Variants in ADCY9 observed in about 807,000 individuals in gnomAD.
ADCY9 encodes the protein adenylate cyclase 9, also known as adenylate cyclase type 9.
A neutral mutation model predicts 101.5 loss-of-function variants in ADCY9; 50 were observed. That is an observed-to-expected ratio of 0.49 (90% CI 0.39 to 0.62). The LOEUF (loss-of-function observed/expected upper bound fraction) is 0.62. ADCY9 is among the 20% of genes least tolerant of loss of function. The pLI, the probability that ADCY9 is intolerant of heterozygous loss-of-function variation, is 0.00. For synonymous variants in ADCY9, 905 were observed against 769.3 expected (o/e 1.18, Z -2.92); for missense variants, 1,662 against 1,800.4 (o/e 0.92, Z 1.39).
intron 7 of ADCY9, among the ~76,000 whole-genome samples, chr16:3,979,730 T>C (rs1365891371): frequency 6.6e-6 from 1 of 152,190 alleles, no homozygotes; most frequent in Admixed American, 6.5e-5. Flanking sequence ...TGGCATCTGG[T>C]GGGCAGGCGC....
chr16:4,041,889 C>G (rs1371670898), intron 2 of ADCY9, among the ~76,000 whole-genome samples: 2 of 150,224 alleles, frequency 1.3e-5, no homozygotes, highest in African/African-American at 4.9e-5. Flanking sequence ...GTAGCTGGGA[C>G]CTCAGGGATG....
chr16:4,077,395 G>A (rs1468456172), intron 2 of ADCY9, among the ~76,000 whole-genome samples: 2 of 152,052 alleles, frequency 1.3e-5, no homozygotes, highest in Non-Finnish European at 2.9e-5. Flanking sequence ...CGTCCTTTAG[G>A]AGTAAATGAC....
intron 7 of ADCY9, chr16:3,982,715 T>G (rs933392): frequency 0.78 from 120,608 of 155,350 alleles, 47,554 homozygotes; most frequent in Non-Finnish European, 0.84. Context: ...GGGTTCTTTC[T>G]CTTTCTTGAT....
chr16:4,078,562 GAAAA>G (rs796262600), intron 2 of ADCY9, among the ~76,000 whole-genome samples: 6 of 65,758 alleles, frequency 9.1e-5, no homozygotes, highest in Admixed American at 3.2e-4. Flanking sequence ...CTCAAAAAAA[GAAAA>G]AAAAAAAAGA....
rs78526972 is a variant in ADCY9, at chr16:3,972,840, G to A, written c.2870+1829C>T. ...TAATGCTCTACTTCTTGGTCTGGGT[G>A]GTAGTTAAATGGGTGTGTTCTCTGG... On this transcript the variant is annotated intron_variant, in intron 10 of 10. Transcript: ENST00000294016. 4.1e-3 allele frequency among the ~76,000 whole-genome samples: 617 copies of A among 152,108 alleles called. 1 individual carries two copies. The highest frequency in any genetic ancestry group is 0.014 in the African/African-American group (586 of 41,484).
chr16:4,091,952 G>A (rs1029983767), intron 2 of ADCY9, among the ~76,000 whole-genome samples: 5 of 152,176 alleles, frequency 3.3e-5, no homozygotes, highest in African/African-American at 9.7e-5. Context: ...AAATCATTAA[G>A]TTATGTGAAT....
chr16:3,984,461 C>A (rs1018037824), intron 6 of ADCY9, among the ~76,000 whole-genome samples: 91 of 152,244 alleles, frequency 6.0e-4, no homozygotes, highest in African/African-American at 2.1e-3. Context: ...CAGGCCCAGG[C>A]CCTGCAAGGC....
At chr16:3,993,538 CACACCCAGAA>C (rs2056264127) in intron 3 of ADCY9, 28 bp from the exon 4 acceptor site, 1 of 1,609,724 alleles carries the variant, frequency 6.2e-7, no homozygotes, top group Non-Finnish European at 8.5e-7. Flanking sequence ...ACTGTGGGGA[CACACCCAGAA>C]ACCGCGACTG....
At chr16:3,976,785 G>A (rs535370424) in intron 9 of ADCY9, among the ~76,000 whole-genome samples, 1 of 152,280 alleles carries the variant, frequency 6.6e-6, no homozygotes, top group African/African-American at 2.4e-5. Context: ...AGCCTCCCAA[G>A]TAGCTGCGAT....
chr16:4,102,227 G>C (rs544982422), intron 2 of ADCY9, among the ~76,000 whole-genome samples: 6 of 152,148 alleles, frequency 3.9e-5, no homozygotes, highest in African/African-American at 9.6e-5. Context: ...TTCTCCCAAC[G>C]ACCCTCTGAC....
intron 2 of ADCY9, among the ~76,000 whole-genome samples, chr16:4,082,869 T>C (rs1567141192): frequency 6.6e-6 from 1 of 152,340 alleles, no homozygotes; most frequent in Admixed American, 6.5e-5. Flanking sequence ...ATGTGGCACA[T>C]GGCCCCGCCT....
intron 10 of ADCY9, among the ~76,000 whole-genome samples, chr16:3,972,695 T>G (rs1291601326): frequency 6.6e-6 from 1 of 152,158 alleles, no homozygotes; most frequent in Non-Finnish European, 1.5e-5. Flanking sequence ...CAGCCAAACG[T>G]GGCTTCGGTT....
At chr16:3,974,795 A>G (rs2141680110) in intron 9 of ADCY9, 85 bp from the exon 10 acceptor site, 1 of 1,136,662 alleles carries the variant, frequency 8.8e-7, no homozygotes, top group Non-Finnish European at 1.3e-6. Flanking sequence ...TGAACAAACT[A>G]TGTTCCTTTT....
Position 3,965,685 on chromosome 16 carries a change from A to G in ADCY9, c.*90T>C. 8.1e-7 allele frequency: 1 copy of G among 1,241,548 alleles called. No homozygotes were observed. Among genetic ancestry groups the G allele is most frequent in the Non-Finnish European group, 1.1e-6 (1 of 884,566 alleles). The allele number at this position is 1,241,548 out of a possible 1,614,324, so 76.9% of individuals were successfully genotyped here. ...ACATAACACCACGTCCGGGGAGGGC[A>G]ACTGTGGCGCTTGGAAAGCACAACA... On this transcript the variant is annotated 3_prime_UTR_variant, in exon 11 of 11. Transcript: ENST00000294016.
At chr16:4,095,402 G>A (rs1288412871) in intron 2 of ADCY9, among the ~76,000 whole-genome samples, 1 of 151,938 alleles carries the variant, frequency 6.6e-6, no homozygotes, top group Non-Finnish European at 1.5e-5. Context: ...CTCAATATAG[G>A]GCCAGTAGAT....
intron 2 of ADCY9, among the ~76,000 whole-genome samples, chr16:4,091,742 A>T (rs2056974952): frequency 6.6e-6 from 1 of 152,178 alleles, no homozygotes; most frequent in South Asian, 2.1e-4. Context: ...AGTATAAGAA[A>T]CGCCCAGACT....
At chr16:3,961,934 G>A (rs530333546), downstream of ADCY9, among the ~76,000 whole-genome samples, 5 of 152,180 alleles carry the variant, frequency 3.3e-5, no homozygotes, top group South Asian at 8.3e-4. Flanking sequence ...GCTGAGGCAC[G>A]AGAATTGATT....
At chr16:3,986,271 A>G (rs2056192434) in intron 6 of ADCY9, among the ~76,000 whole-genome samples, 1 of 152,060 alleles carries the variant, frequency 6.6e-6, no homozygotes, top group Non-Finnish European at 1.5e-5. Context: ...CCCCAGCACA[A>G]TGAGTCCCCA....
intron 2 of ADCY9, among the ~76,000 whole-genome samples, chr16:4,107,185 T>A (rs562979424): frequency 6.6e-6 from 1 of 152,298 alleles, no homozygotes; most frequent in Admixed American, 6.5e-5. Flanking sequence ...GGGAACTGTG[T>A]GCCTCATCTC....
Sources: gnomAD v4.1 joint callset for allele counts (sites outside exome capture counted in the v4.1 genomes callset) on GRCh38, gnomAD v4.1.1 for gene constraint, MANE v1.5 for transcripts, NCBI Gene and HGNC (gene_info 2026-07-23, HGNC 2026-07-21) for gene names.